The following FANCB variants were observed in gnomAD, a reference collection of about 807,000 sequenced individuals.
The protein encoded by FANCB is FA complementation group B.
Under a neutral mutation model 38.9 loss-of-function variants are expected in FANCB, and 5 were observed. That is an observed-to-expected ratio of 0.13 (90% CI 0.07 to 0.27). The LOEUF (loss-of-function observed/expected upper bound fraction) is 0.27. Ranked by LOEUF, FANCB falls within the 10% of genes least tolerant of loss-of-function variation. The probability of loss-of-function intolerance (pLI) is 1.00; values close to 1 mark genes in which losing one functional copy is unlikely to be tolerated. For missense variants in FANCB, 573 were observed against 602.7 expected, an observed-to-expected ratio of 0.95 and a Z score of 0.52; for synonymous variants, 236 against 215.4, an observed-to-expected ratio of 1.10 and a Z score of -0.84.
chrX:14,808,318 A>G, the FANCB span, among the ~76,000 whole-genome samples: 2 of 111,673 alleles, frequency 1.8e-5, no homozygotes, highest in Non-Finnish European at 3.8e-5. Context: ...CCTCAACAAA[A>G]TACTAACAAA....
the FANCB span, among the ~76,000 whole-genome samples, chrX:14,754,484 G>A: frequency 2.7e-5 from 3 of 111,738 alleles, 1 homozygote; most frequent in South Asian, 1.1e-3. Flanking sequence ...TTCTAAGCTG[G>A]TTGATTAACA....
At chrX:14,853,203 T>A in intron 5 of FANCB, 36 bp from the exon 6 acceptor site, 1 of 1,154,654 alleles carries the variant, frequency 8.7e-7, no homozygotes, top group Non-Finnish European at 1.2e-6. Flanking sequence ...GCAAGAAACA[T>A]GATTTCAAAT....
At chrX:14,801,088 C>T in the FANCB span, among the ~76,000 whole-genome samples, 574 of 111,321 alleles carry the variant, frequency 5.2e-3, 5 homozygotes, top group African/African-American at 0.018. Flanking sequence ...TTAGATTGAC[C>T]GTGGGCGTGG....
the FANCB span, among the ~76,000 whole-genome samples, chrX:14,765,569 C>G: frequency 8.9e-6 from 1 of 112,395 alleles, no homozygotes; most frequent in African/African-American, 3.2e-5. Context: ...TGAAATGCCT[C>G]AGCATCTATT....
the FANCB span, among the ~76,000 whole-genome samples, chrX:14,695,406 A>G: frequency 8.9e-6 from 1 of 112,463 alleles, no homozygotes; most frequent in Non-Finnish European, 1.9e-5. Context: ...TTCACATTGC[A>G]GTGAAAGGAG....
chrX:14,771,065 A>G, the FANCB span, among the ~76,000 whole-genome samples: 1 of 109,933 alleles, frequency 9.1e-6, no homozygotes, highest in African/African-American at 3.3e-5. Context: ...TGCCCTTAAC[A>G]TTTTTTCTTT....
intron 1 of FANCB, among the ~76,000 whole-genome samples, chrX:14,870,875 A>G (rs2147463522): frequency 8.9e-6 from 1 of 112,045 alleles, no homozygotes; most frequent in South Asian, 3.7e-4. Flanking sequence ...CCTTGGGAAA[A>G]AAGTAAAATT....
chrX:14,832,535 A>G (rs1370645401), downstream of FANCB, among the ~76,000 whole-genome samples: 1 of 112,166 alleles, frequency 8.9e-6, no homozygotes, highest in Non-Finnish European at 1.9e-5. Context: ...AAAAAACTGT[A>G]GTAGTAGCAA....
intron 5 of FANCB, among the ~76,000 whole-genome samples, chrX:14,855,128 T>C (rs768482620): frequency 1.8e-5 from 2 of 111,785 alleles, no homozygotes; most frequent in Non-Finnish European, 3.8e-5. Flanking sequence ...TGCAGTGTTA[T>C]AAACAATGCT....
rs1308048807 is a variant in FANCB at position 14,865,458 on chromosome X, T to A, written c.53A>T (p.Tyr18Phe). ...SSNEQERLLC[Y>F]NGEVLVFQLS... Reference sequence around the variant, plus strand: ...CTGGAAAACAAGGACTTCCCCATTATAACACAAGAGCCTTTCTTGTTCGTT... The same window carrying A: ...CTGGAAAACAAGGACTTCCCCATTAAAACACAAGAGCCTTTCTTGTTCGTT... The change falls in exon 3 of 10, where the codon TAT becomes TTT. Residue 18 changes from tyrosine to phenylalanine, a missense_variant. Coordinates refer to ENST00000650831, the MANE Select transcript of FANCB (RefSeq NM_001018113.3). 9.9e-6 allele frequency: 12 copies of A among 1,210,067 alleles called. No homozygotes were observed. The highest frequency in any genetic ancestry group is 3.0e-5 in the East Asian group (1 of 33,791).
chrX:14,787,876 AATATAT>A, the FANCB span, among the ~76,000 whole-genome samples: 1,533 of 41,414 alleles, frequency 0.037, 26 homozygotes, highest in East Asian at 0.095. Context: ...TTAAAAATAG[AATATAT>A]ATATATATAT....
chrX:14,848,688 A>G lies in FANCB; in HGVS notation c.1496+1817T>C, dbSNP rs751171310. Among the ~76,000 whole-genome samples, 6 of 112,104 alleles carry G rather than the reference A, an allele frequency of 5.4e-5. No homozygotes were observed. In the Admixed American group the frequency reaches 5.7e-4, roughly 11 times the overall value. The stretch of plus-strand genomic sequence containing the variant: ...ATTACTGACACACACACTATATTGT[A>G]AATTCTTATCTCTGTATACTGTACT... On this transcript the variant is annotated intron_variant, in intron 7 of 9. Coordinates refer to ENST00000650831, the MANE Select transcript of FANCB (RefSeq NM_001018113.3).
chrX:14,761,191 T>G, the FANCB span, among the ~76,000 whole-genome samples: 1 of 111,463 alleles, frequency 9.0e-6, no homozygotes, highest in Non-Finnish European at 1.9e-5. Context: ...TTTGTAGAGA[T>G]AGGATCTTAC....
chrX:14,753,897 T>C, the FANCB span, among the ~76,000 whole-genome samples: 3 of 112,272 alleles, frequency 2.7e-5, no homozygotes, highest in East Asian at 8.4e-4. Context: ...AGAAATAAAA[T>C]ATTTTTTCAA....
the FANCB span, among the ~76,000 whole-genome samples, chrX:14,806,442 G>C: frequency 8.9e-6 from 1 of 112,022 alleles, no homozygotes; most frequent in Admixed American, 9.5e-5. Flanking sequence ...GCAGAGTAGT[G>C]TCCAAGTCAG....
chrX:14,711,080 T>C, the FANCB span, among the ~76,000 whole-genome samples: 2 of 112,389 alleles, frequency 1.8e-5, no homozygotes, highest in Non-Finnish European at 3.8e-5. Context: ...AATACAAATA[T>C]GAGTGAACTC....
chrX:14,759,371 C>T, the FANCB span, among the ~76,000 whole-genome samples: 2 of 111,333 alleles, frequency 1.8e-5, no homozygotes, highest in Non-Finnish European at 3.8e-5. Flanking sequence ...GCTCAAAGAA[C>T]ACCTGGGAAA....
At chrX:14,753,763 C>T in the FANCB span, among the ~76,000 whole-genome samples, 1 of 111,676 alleles carries the variant, frequency 9.0e-6, no homozygotes, top group Non-Finnish European at 1.9e-5. Flanking sequence ...TGTTAATGTC[C>T]TATTCGCCAA....
the FANCB span, among the ~76,000 whole-genome samples, chrX:14,712,687 G>A: frequency 3.7e-5 from 4 of 106,953 alleles, no homozygotes; most frequent in Non-Finnish European, 7.7e-5. Context: ...AGTAACTGGG[G>A]GGGTTAAGGT....
Sources: allele counts gnomAD v4.1 joint callset (sites outside exome capture counted in the v4.1 genomes callset), GRCh38; gene constraint gnomAD v4.1.1; transcripts MANE v1.5; gene names NCBI Gene and HGNC (gene_info 2026-07-23, HGNC 2026-07-21).